UBR2: variants seen among roughly 807,000 people sequenced by gnomAD.
UBR2 encodes E3 ubiquitin-protein ligase UBR2.
Under a neutral mutation model 247.9 loss-of-function variants are expected in UBR2, and 92 were observed. The observed-to-expected ratio is 0.37, with a 90% CI of 0.31 to 0.44. The LOEUF is 0.44. Ranked by LOEUF, UBR2 falls within the 20% of genes least tolerant of loss-of-function variation. UBR2 has a pLI of 1.00. For synonymous variants in UBR2, 672 were observed against 693.5 expected, an observed-to-expected ratio of 0.97 and a Z score of 0.49; for missense variants, 1,613 against 2,112.6, an observed-to-expected ratio of 0.76 and a Z score of 4.64.
intron 2 of UBR2, among the ~76,000 whole-genome samples, chr6:42,591,114 T>C (rs576958193): frequency 2.0e-5 from 3 of 152,286 alleles, no homozygotes; most frequent in African/African-American, 7.2e-5. Flanking sequence ...TAGCTGGGCA[T>C]GGTGGCACAC....
rs377263499 is a variant in UBR2, at chr6:42,614,396, A to G, written c.986-675A>G. Among the ~76,000 whole-genome samples the G allele has an allele frequency of 8.5e-4, 89 of 104,456 alleles. 3 individuals are homozygous for G. The highest frequency in any genetic ancestry group is 3.8e-3 in the South Asian group (12 of 3,168). The allele number at this position is 104,456 out of a possible 152,430, so 68.5% of individuals were successfully genotyped here. On this transcript the variant is annotated intron_variant, in intron 8 of 46. Coordinates refer to ENST00000372901, the MANE Select transcript of UBR2 (RefSeq NM_001363705.2). The stretch of plus-strand genomic sequence containing the variant: ...TGTGTGTATATATGTATGTACGTAC[A>G]TACATACGTATGTATGTACGTACGT...
At chr6:42,564,717 A>G (rs1270484695) in intron 1 of UBR2, among the ~76,000 whole-genome samples, 1 of 152,156 alleles carries the variant, frequency 6.6e-6, no homozygotes, top group East Asian at 1.9e-4. Flanking sequence ...TTTGCCCTTT[A>G]TATCAGCTCT....
intron 2 of UBR2, among the ~76,000 whole-genome samples, chr6:42,587,362 T>C (rs903513172): frequency 6.6e-6 from 1 of 152,150 alleles, no homozygotes; most frequent in African/African-American, 2.4e-5. Context: ...TTTTTTTTCT[T>C]TCTTTTTTTG....
Position 42,564,054 on chromosome 6 carries a change from C to A in UBR2, c.-266C>A. The stretch of plus-strand genomic sequence containing the variant: ...GTAGTGGCCAGCGAGAGTGTCAGGC[C>A]TGGGGTTTTCTGTGTCCTTCCCTGG... On this transcript the variant is annotated 5_prime_UTR_variant, in exon 1 of 47. The change creates a new upstream start codon in the 5' untranslated region. Coordinates refer to ENST00000372901, the MANE Select transcript of UBR2 (RefSeq NM_001363705.2). 1 of 509,608 alleles carries A rather than the reference C, an allele frequency of 2.0e-6. No individual in the cohort carries two copies. Among genetic ancestry groups the A allele is most frequent in the Admixed American group, 3.9e-5 (1 of 25,378 alleles). The allele number at this position is 509,608 out of a possible 1,614,324, so 31.6% of individuals were successfully genotyped here.
At chr6:42,608,339 C>A (rs1793848300) in intron 7 of UBR2, among the ~76,000 whole-genome samples, 1 of 152,068 alleles carries the variant, frequency 6.6e-6, no homozygotes, top group African/African-American at 2.4e-5. Context: ...CAATCTGGGC[C>A]AGACACTGGG....
rs968344823 is a variant in UBR2, at chr6:42,689,193, G to A, written c.5025-376G>A. ...TGTGCTGGTGACATCTCTGGGCAAG[G>A]TGTAAGCCATTTCAGGGTTTGAAGC... On this transcript the variant is annotated intron_variant, in intron 45 of 46. Transcript: ENST00000372901. This position sits in a 1 kb window ranked among gnomAD's most constrained non-coding sequence, Gnocchi z 4.0. Among the ~76,000 whole-genome samples, 15 of 152,178 alleles carry A rather than the reference G, an allele frequency of 9.9e-5. No homozygotes were observed. The highest frequency in any genetic ancestry group is 5.2e-4 in the Admixed American group (8 of 15,280).
In UBR2 at chr6:42,652,594, A is replaced by G. The variant is rs371605327; in HGVS notation, c.2718A>G (p.Gln906=). The G allele has an allele frequency of 1.5e-5, 24 of 1,613,852 alleles. No homozygotes were observed. The highest frequency in any genetic ancestry group is 1.9e-5 in the Non-Finnish European group (23 of 1,179,970). The change falls in exon 25 of 47, where the codon CAA becomes CAG. Residue 906 remains glutamine, a synonymous_variant. Transcript: ENST00000372901. ...TGTGCATCATGGGAACAATTCTGCA[A>G]TGGGCTGTGGAACATAATGGATATG... ...VMLCIMGTIL[Q]WAVEHNGYAW...
At chr6:42,569,046 C>T (rs751586897) in intron 1 of UBR2, among the ~76,000 whole-genome samples, 1 of 152,056 alleles carries the variant, frequency 6.6e-6, no homozygotes, top group Non-Finnish European at 1.5e-5. Flanking sequence ...ATAGATAAAC[C>T]ATATATTATT....
intron 16 of UBR2, 74 bp from the exon 17 acceptor site, chr6:42,641,508 C>A: frequency 8.9e-7 from 1 of 1,118,070 alleles, no homozygotes. Flanking sequence ...CTCTATCGAC[C>A]AAACTTCTTT....
intron 11 of UBR2, among the ~76,000 whole-genome samples, chr6:42,629,061 C>T (rs754600428): frequency 1.6e-4 from 25 of 151,938 alleles, no homozygotes; most frequent in Non-Finnish European, 1.8e-4. Context: ...TTGTCATCCA[C>T]GCTGGAGTGC....
At chr6:42,578,544 G>A (rs1187204261) in intron 2 of UBR2, among the ~76,000 whole-genome samples, 1 of 151,974 alleles carries the variant, frequency 6.6e-6, no homozygotes, top group Non-Finnish European at 1.5e-5. Context: ...TGAGTCATTA[G>A]GATAAAATGA....
rs899975716 is a variant in UBR2, at chr6:42,675,731, G to A, written c.4252-325G>A. Among the ~76,000 whole-genome samples the A allele has an allele frequency of 4.6e-5, 7 of 152,094 alleles. No individual in the cohort carries two copies. The East Asian group carries it at 1.3e-3, about 29-fold the overall frequency. ...TCCCAGCACTTTGGGAGGCCGAGGT[G>A]GGCGGATTACCTGAGGTCAGGAGTT... On this transcript the variant is annotated intron_variant, in intron 38 of 46. Coordinates refer to ENST00000372901, the MANE Select transcript of UBR2 (RefSeq NM_001363705.2).
chr6:42,678,580 G>T lies in UBR2; in HGVS notation c.4520G>T (p.Ser1507Ile). The change falls in exon 41 of 47, where the codon AGT becomes ATT. Residue 1507 changes from serine (S) to isoleucine (I), a missense_variant. By Grantham distance (142) the Ser-to-Ile change is moderately radical. Coordinates refer to ENST00000372901, the MANE Select transcript of UBR2 (RefSeq NM_001363705.2). ...EIPSGWHLWR[S>I]VRAGIMPFLK... ...CCATCCGGCTGGCATCTGTGGAGGA[G>T]TGTCAGAGCTGGAATCATGCCTTTC... 6.2e-7 allele frequency: 1 copy of T among 1,613,868 alleles called. No individual in the cohort carries two copies.
At position 42,650,183 on chromosome 6, in the gene UBR2, G is replaced by C; in HGVS notation, c.2463-101G>C. 5 of 928,048 alleles carry C rather than the reference G, an allele frequency of 5.4e-6. No individual in the cohort carries two copies. In the East Asian group the frequency reaches 1.0e-4, roughly 19 times the overall value. 57.5% of individuals were successfully genotyped at this position (928,048 alleles called of 1,614,324 possible). On this transcript the variant is annotated intron_variant, in intron 22 of 46. Coordinates refer to ENST00000372901, the MANE Select transcript of UBR2 (RefSeq NM_001363705.2). Reference sequence around the variant, plus strand: ...AGTTGTAGCTTAACACCCACCAGCAGTATATGAGAGCTCTGCTTTCTTGTT... The same window carrying C: ...AGTTGTAGCTTAACACCCACCAGCACTATATGAGAGCTCTGCTTTCTTGTT...
rs141620683 is a variant in UBR2 at position 42,678,705 on chromosome 6, T to C, written c.4609+36T>C. 1.6e-5 allele frequency: 25 copies of C among 1,586,474 alleles called. No homozygotes were observed. In the Middle Eastern group the frequency reaches 1.0e-3, roughly 64 times the overall value. On this transcript the variant is annotated intron_variant, in intron 41 of 46. Transcript: ENST00000372901. ...CTTTCTTTCAAAACGTAGGGAGAGTTAGTAATCCTTTACTCCAGCAAATAT... is the reference window on the plus strand; with the variant it reads ...CTTTCTTTCAAAACGTAGGGAGAGTCAGTAATCCTTTACTCCAGCAAATAT...
chr6:42,572,882 T>A (rs1486195660), intron 1 of UBR2, among the ~76,000 whole-genome samples: 1 of 152,142 alleles, frequency 6.6e-6, no homozygotes, highest in Non-Finnish European at 1.5e-5. Context: ...TTTTTATATT[T>A]TTAGTAGAGA....
intron 34 of UBR2, among the ~76,000 whole-genome samples, chr6:42,668,277 AT>A: frequency 6.6e-6 from 1 of 152,278 alleles, no homozygotes; most frequent in African/African-American, 2.4e-5. Flanking sequence ...TGGATGGTAT[AT>A]TTTCATGTTC....
intron 2 of UBR2, among the ~76,000 whole-genome samples, chr6:42,589,601 A>G (rs920007942): frequency 6.6e-6 from 1 of 152,214 alleles, no homozygotes; most frequent in Non-Finnish European, 1.5e-5. Context: ...TAAACATTTG[A>G]TAGAATTCAC....
chr6:42,622,902 A>G (rs112457913), intron 11 of UBR2, among the ~76,000 whole-genome samples: 3,531 of 151,256 alleles, frequency 0.023, 122 homozygotes, highest in African/African-American at 0.08. Context: ...CCTGGGCTCA[A>G]GCTATCATCC....
Sources: gnomAD v4.1 joint callset for allele counts (sites outside exome capture counted in the v4.1 genomes callset) on GRCh38, gnomAD v4.1.1 for gene constraint, Gnocchi (gnomAD v3.1) non-coding constraint, MANE v1.5 for transcripts, NCBI Gene and HGNC (gene_info 2026-07-23, HGNC 2026-07-21) for gene names.